PDE11A: variants seen among roughly 807,000 people sequenced by gnomAD.
The protein encoded by PDE11A is phosphodiesterase 11A.
Under a neutral mutation model 100.5 loss-of-function variants are expected in PDE11A, and 100 were observed. That is an observed-to-expected ratio of 1.00 (90% CI 0.85 to 1.18). The LOEUF (loss-of-function observed/expected upper bound fraction) is 1.18. Ranked by LOEUF, PDE11A falls within the 50% of genes most tolerant of loss-of-function variation. The pLI, the probability that PDE11A is intolerant of heterozygous loss-of-function variation, is 0.00. For missense variants in PDE11A, 1,141 were observed against 1,152.6 expected (o/e 0.99, Z 0.15); for synonymous variants, 381 against 420.8 (o/e 0.91, Z 1.16).
In PDE11A at chr2:177,647,951, A is replaced by G. The variant is rs554739369; in HGVS notation, c.2646+15915T>C. Among the ~76,000 whole-genome samples, 5 of 152,164 alleles carry G rather than the reference A, an allele frequency of 3.3e-5. No individual in the cohort carries two copies. In the South Asian group the frequency reaches 6.2e-4, roughly 19 times the overall value. On this transcript the variant is annotated intron_variant, in intron 19 of 19. Coordinates refer to ENST00000286063, the MANE Select transcript of PDE11A (RefSeq NM_016953.4). ...CACATTGAAACCCTGTCTCTACAGA[A>G]AAATTTAAAAATTAGCTTGGTGTGG...
intron 9 of PDE11A, among the ~76,000 whole-genome samples, chr2:177,785,763 C>A (rs1558937530): frequency 6.6e-6 from 1 of 152,200 alleles, no homozygotes; most frequent in Non-Finnish European, 1.5e-5. Flanking sequence ...GGGTCCTATG[C>A]CCATGGAGTC....
intron 9 of PDE11A, among the ~76,000 whole-genome samples, chr2:177,785,338 C>T (rs142515393): frequency 3.9e-4 from 60 of 152,196 alleles, no homozygotes; most frequent in African/African-American, 1.3e-3. Flanking sequence ...ATGGTAACCA[C>T]AATGGTTTGG....
upstream of PDE11A, among the ~76,000 whole-genome samples, chr2:178,077,387 G>A (rs979917001): frequency 2.7e-5 from 4 of 150,524 alleles, no homozygotes; most frequent in African/African-American, 4.9e-5. Context: ...TGTTTCACAG[G>A]CACCTCAAAT....
intron 9 of PDE11A, among the ~76,000 whole-genome samples, chr2:177,791,802 G>A (rs2082637104): frequency 6.6e-6 from 1 of 152,124 alleles, no homozygotes; most frequent in South Asian, 2.1e-4. Context: ...ACCTATAGGA[G>A]AAAATAATTA....
chr2:177,724,910 T>C (rs2081578307), intron 12 of PDE11A, among the ~76,000 whole-genome samples: 1 of 152,116 alleles, frequency 6.6e-6, no homozygotes, highest in South Asian at 2.1e-4. Context: ...CCTTATGACA[T>C]GACCCAGGTT....
chr2:177,781,706 T>C (rs1480526409), intron 9 of PDE11A, among the ~76,000 whole-genome samples: 1 of 152,190 alleles, frequency 6.6e-6, no homozygotes, highest in Non-Finnish European at 1.5e-5. Context: ...TTCGCCATGT[T>C]GGCCAGGCTG....
At chr2:177,700,644 A>G (rs751787304) in intron 14 of PDE11A, among the ~76,000 whole-genome samples, 26 of 152,170 alleles carry the variant, frequency 1.7e-4, no homozygotes, top group Non-Finnish European at 3.5e-4. Flanking sequence ...AACTGGTCCC[A>G]CCAGCAATTT....
intron 10 of PDE11A, among the ~76,000 whole-genome samples, chr2:177,737,039 G>A (rs1434681191): frequency 8.8e-5 from 9 of 102,650 alleles, no homozygotes; most frequent in Middle Eastern, 4.7e-3. Flanking sequence ...TCGGGAGTTC[G>A]AGACCAGCCT....
At chr2:178,095,541 T>C (rs2087478191) in intron 2 of PDE11A, among the ~76,000 whole-genome samples, 1 of 152,196 alleles carries the variant, frequency 6.6e-6, no homozygotes, top group Non-Finnish European at 1.5e-5. Flanking sequence ...ATGCAAGCTG[T>C]TGGTGGATCT....
At chr2:178,009,451 T>C (rs940303851) in intron 2 of PDE11A, among the ~76,000 whole-genome samples, 21 of 152,228 alleles carry the variant, frequency 1.4e-4, no homozygotes, top group Non-Finnish European at 1.9e-4. Context: ...TATAGTAGGC[T>C]ATATTTCATA....
intron 4 of PDE11A, among the ~76,000 whole-genome samples, chr2:177,896,083 G>C (rs952916511): frequency 2.4e-4 from 37 of 152,138 alleles, no homozygotes; most frequent in African/African-American, 8.9e-4. Context: ...AGAATTTTCT[G>C]CCCCAACATT....
At chr2:177,916,636 G>A (rs1226545123) in intron 2 of PDE11A, among the ~76,000 whole-genome samples, 1 of 152,170 alleles carries the variant, frequency 6.6e-6, no homozygotes, top group East Asian at 1.9e-4. Flanking sequence ...CCTCTGGAAC[G>A]ATTCTCAAAG....
intron 9 of PDE11A, among the ~76,000 whole-genome samples, chr2:177,791,285 GA>G (rs2082627274): frequency 6.7e-6 from 1 of 150,028 alleles, no homozygotes; most frequent in Non-Finnish European, 1.5e-5. Context: ...ACTATCACAA[GA>G]ACAAAAAGCC....
upstream of PDE11A, among the ~76,000 whole-genome samples, chr2:178,075,291 G>A (rs1408952994): frequency 6.6e-6 from 1 of 152,104 alleles, no homozygotes; most frequent in African/African-American, 2.4e-5. Context: ...GGTGGCTCAT[G>A]CCTGTCATCC....
intron 2 of PDE11A, among the ~76,000 whole-genome samples, chr2:178,084,624 G>T (rs1163968744): frequency 6.6e-6 from 1 of 152,178 alleles, no homozygotes; most frequent in Non-Finnish European, 1.5e-5. Flanking sequence ...TGAAGTTGAT[G>T]CATAGGGCAT....
At chr2:177,785,474 T>C (rs1353019539) in intron 9 of PDE11A, among the ~76,000 whole-genome samples, 2 of 152,196 alleles carry the variant, frequency 1.3e-5, no homozygotes, top group African/African-American at 4.8e-5. Flanking sequence ...AGACGGGTGA[T>C]TTCTGCATTT....
chr2:177,880,690 C>T (rs924204258), intron 4 of PDE11A, among the ~76,000 whole-genome samples: 1 of 152,094 alleles, frequency 6.6e-6, no homozygotes, highest in African/African-American at 2.4e-5. Flanking sequence ...ACTATGTTCC[C>T]TAACTTTACA....
intron 19 of PDE11A, among the ~76,000 whole-genome samples, chr2:177,657,999 G>T (rs967124950): frequency 1.3e-5 from 2 of 152,170 alleles, no homozygotes; most frequent in Non-Finnish European, 2.9e-5. Context: ...CCAAGAGGCT[G>T]CCACAAGGAC....
chr2:178,053,637 CCTT>C (rs2086857540), intron 1 of PDE11A, among the ~76,000 whole-genome samples: 1 of 152,104 alleles, frequency 6.6e-6, no homozygotes, highest in South Asian at 2.1e-4. Flanking sequence ...CCCAAAATCT[CCTT>C]AAGCTGATAA....
Sources: gnomAD v4.1 joint callset for allele counts (sites outside exome capture counted in the v4.1 genomes callset) on GRCh38, gnomAD v4.1.1 for gene constraint, MANE v1.5 for transcripts, NCBI Gene and HGNC (gene_info 2026-07-23, HGNC 2026-07-21) for gene names.